The following LDLRAD3 variants were observed in gnomAD, a reference collection of about 807,000 sequenced individuals.
LDLRAD3 encodes low-density lipoprotein receptor class A domain-containing protein 3.
A neutral mutation model predicts 29.4 loss-of-function variants in LDLRAD3; 20 were observed. The ratio of observed to expected loss-of-function variants is 0.68; its 90% CI spans 0.48 to 0.99. LDLRAD3 has a LOEUF of 0.99. Among genes scored for constraint, LDLRAD3 ranks in the 50% least tolerant of loss-of-function variants. The pLI is 0.00. For missense variants in LDLRAD3, 420 were observed against 454.3 expected, an observed-to-expected ratio of 0.92 and a Z score of 0.69; for synonymous variants, 157 against 192.7, an observed-to-expected ratio of 0.81 and a Z score of 1.53.
At chr11:36,068,641 C>G (rs570149852) in intron 2 of LDLRAD3, among the ~76,000 whole-genome samples, 1 of 152,240 alleles carries the variant, frequency 6.6e-6, no homozygotes, top group East Asian at 1.9e-4. Context: ...CTCAACCTCC[C>G]GAGTAGCTGG....
intron 4 of LDLRAD3, among the ~76,000 whole-genome samples, chr11:36,113,641 A>G (rs939385143): frequency 2.7e-5 from 4 of 147,098 alleles, no homozygotes; most frequent in African/African-American, 1.0e-4. Flanking sequence ...ATCACCTTTT[A>G]TATCCTAGGT....
chr11:36,045,737 T>TC (rs397787466), intron 2 of LDLRAD3, among the ~76,000 whole-genome samples: 1 of 151,276 alleles, frequency 6.6e-6, no homozygotes, highest in Non-Finnish European at 1.5e-5. Context: ...TTTTTTTTTT[T>TC]CATTTCAAAA....
chr11:36,141,297 G>T (rs181912480), intron 4 of LDLRAD3, among the ~76,000 whole-genome samples: 5 of 152,260 alleles, frequency 3.3e-5, no homozygotes, highest in Admixed American at 3.3e-4. Flanking sequence ...AGAGTTTGCA[G>T]TGATTTACAC....
intron 4 of LDLRAD3, among the ~76,000 whole-genome samples, chr11:36,111,886 C>T (rs887393610): frequency 6.6e-6 from 1 of 152,242 alleles, no homozygotes; most frequent in African/African-American, 2.4e-5. Flanking sequence ...CGTGAGCCAC[C>T]ACGCCCGGCC....
intron 3 of LDLRAD3, among the ~76,000 whole-genome samples, chr11:36,084,882 G>A (rs920317922): frequency 1.1e-4 from 17 of 152,140 alleles, no homozygotes; most frequent in African/African-American, 4.8e-5. Flanking sequence ...TCTCTAGGTC[G>A]CTTTAGAGTA....
chr11:36,189,350 G>A (rs1565289980), intron 4 of LDLRAD3, among the ~76,000 whole-genome samples: 1 of 152,092 alleles, frequency 6.6e-6, no homozygotes, highest in Non-Finnish European at 1.5e-5. Context: ...GCTGGGCGTG[G>A]TGGCACACAT....
intron 1 of LDLRAD3, among the ~76,000 whole-genome samples, chr11:36,031,198 G>A (rs2133205969): frequency 6.6e-6 from 1 of 152,216 alleles, no homozygotes; most frequent in East Asian, 1.9e-4. Context: ...GAAGGGAGGA[G>A]GAGAAACCCC....
intron 4 of LDLRAD3, among the ~76,000 whole-genome samples, chr11:36,176,371 G>A (rs1288121290): frequency 1.3e-5 from 2 of 151,794 alleles, no homozygotes; most frequent in Non-Finnish European, 2.9e-5. Context: ...TACCTTGTGG[G>A]GTTCTTTTTT....
At chr11:35,965,031 G>T (rs943933015) in intron 1 of LDLRAD3, among the ~76,000 whole-genome samples, 2 of 151,758 alleles carry the variant, frequency 1.3e-5, no homozygotes, top group Non-Finnish European at 2.9e-5. Flanking sequence ...AGCTGGGGCG[G>T]AAGTGGAGGC....
At chr11:36,163,869 A>C (rs763414676) in intron 4 of LDLRAD3, among the ~76,000 whole-genome samples, 9 of 152,230 alleles carry the variant, frequency 5.9e-5, no homozygotes, top group Non-Finnish European at 8.8e-5. Flanking sequence ...CAAATGGTGG[A>C]AGTTCACTGG....
At chr11:36,056,537 C>G (rs779050160) in intron 2 of LDLRAD3, among the ~76,000 whole-genome samples, 4 of 152,256 alleles carry the variant, frequency 2.6e-5, no homozygotes, top group Admixed American at 6.5e-5. Flanking sequence ...TGTGCTGCCC[C>G]CTGTGGGTAA....
chr11:36,045,180 T>C (rs1410419914), intron 2 of LDLRAD3, among the ~76,000 whole-genome samples: 1 of 152,242 alleles, frequency 6.6e-6, no homozygotes, highest in Non-Finnish European at 1.5e-5. Context: ...GGGCATCTGA[T>C]AAGCACCCAC....
In LDLRAD3 at chr11:36,160,190, G is replaced by T. The variant is rs532707604; in HGVS notation, c.454+61729G>T. On this transcript the variant is annotated intron_variant, in intron 4 of 5. Coordinates refer to ENST00000315571, the MANE Select transcript of LDLRAD3 (RefSeq NM_174902.4). ...GAATGAACGTCCTGGTGAAGTGAAC[G>T]TGATAAAATTCCAGCTTGCTGTTTT... Among the ~76,000 whole-genome samples, 5 of 152,310 alleles carry T rather than the reference G, an allele frequency of 3.3e-5. No individual in the cohort carries two copies. In the East Asian group the frequency reaches 9.6e-4, roughly 29 times the overall value.
At chr11:36,130,825 C>T (rs986518037) in intron 4 of LDLRAD3, among the ~76,000 whole-genome samples, 1 of 152,198 alleles carries the variant, frequency 6.6e-6, no homozygotes, top group Admixed American at 6.5e-5. Flanking sequence ...GTTCACTCTA[C>T]TGGAAGGAGC....
chr11:35,957,247 A>G (rs2133131075), intron 1 of LDLRAD3, among the ~76,000 whole-genome samples: 1 of 152,186 alleles, frequency 6.6e-6, no homozygotes, highest in East Asian at 1.9e-4. Context: ...TGCTTTTTTC[A>G]CTTCTGAATA....
chr11:35,999,751 G>A (rs566775136), intron 1 of LDLRAD3, among the ~76,000 whole-genome samples: 32 of 152,264 alleles, frequency 2.1e-4, no homozygotes, highest in Non-Finnish European at 3.8e-4. Context: ...TCTCCTGTTG[G>A]ATCAAAGGCC....
At chr11:36,109,663 A>T (rs750381612) in intron 4 of LDLRAD3, among the ~76,000 whole-genome samples, 6 of 152,178 alleles carry the variant, frequency 3.9e-5, no homozygotes, top group Non-Finnish European at 7.3e-5. Context: ...GCAGGCAGAG[A>T]TAATTTCTAC....
chr11:36,108,165 A>G (rs1308602041), intron 4 of LDLRAD3, among the ~76,000 whole-genome samples: 1 of 151,466 alleles, frequency 6.6e-6, no homozygotes, highest in Non-Finnish European at 1.5e-5. Flanking sequence ...AAATACAAAA[A>G]CAAAATTAGC....
chr11:35,947,500 A>G (rs76418447), intron 1 of LDLRAD3, among the ~76,000 whole-genome samples: 30 of 142,338 alleles, frequency 2.1e-4, no homozygotes, highest in Middle Eastern at 7.3e-3. Flanking sequence ...TGCCTCAATT[A>G]AAAAAAAAAA....
Sources: gnomAD v4.1 joint callset for allele counts (sites outside exome capture counted in the v4.1 genomes callset) on GRCh38, gnomAD v4.1.1 for gene constraint, MANE v1.5 for transcripts, NCBI Gene and HGNC (gene_info 2026-07-23, HGNC 2026-07-21) for gene names.